KANK1: variants seen among roughly 807,000 people sequenced by gnomAD.
KANK1 encodes KN motif and ankyrin repeat domain-containing protein 1.
A neutral mutation model predicts 106.2 loss-of-function variants in KANK1; 109 were observed. The ratio of observed to expected loss-of-function variants is 1.03; its 90% CI spans 0.88 to 1.20. The LOEUF (loss-of-function observed/expected upper bound fraction) is 1.20. Ranked by LOEUF, KANK1 falls within the 50% of genes most tolerant of loss-of-function variation. The pLI, the probability that KANK1 is intolerant of heterozygous loss-of-function variation, is 0.00. For missense variants in KANK1, 2,399 were observed against 1,710.7 expected (o/e 1.40, Z -7.10); for synonymous variants, 873 against 652.2 (o/e 1.34, Z -5.16).
intron 1 of KANK1, among the ~76,000 whole-genome samples, chr9:584,068 C>T (rs147166415): frequency 8.8e-4 from 134 of 152,162 alleles, no homozygotes; most frequent in African/African-American, 2.9e-3. Flanking sequence ...CAGGCAAATA[C>T]TTGATGGTAT....
rs773983048 is a variant in KANK1 at position 712,413 on chromosome 9, C to G, written c.1647C>G (p.Ile549Met). 6.2e-7 allele frequency: 1 copy of G among 1,614,172 alleles called. No homozygotes were observed. Among genetic ancestry groups the G allele is most frequent in the East Asian group, 2.2e-5 (1 of 44,870 alleles). ...GTSVETNSVG[I>M]SCQPECKNKV... ...CCGTGGAAACAAACAGTGTAGGCAT[C>G]TCCTGCCAGCCTGAATGTAAGAATA... Residue 549 changes from isoleucine to methionine, a missense_variant, in exon 3 of 12, where the codon ATC (isoleucine) becomes ATG (methionine). Physicochemically the swap from Ile to Met is conservative, Grantham distance 10. Coordinates refer to ENST00000382297, the MANE Select transcript of KANK1 (RefSeq NM_015158.5).
chr9:531,852 G>T (rs2060071606), intron 1 of KANK1, among the ~76,000 whole-genome samples: 1 of 152,230 alleles, frequency 6.6e-6, no homozygotes, highest in African/African-American at 2.4e-5. Flanking sequence ...TTCTGTGTGT[G>T]TGTGTTGTGT....
upstream of KANK1, among the ~76,000 whole-genome samples, chr9:502,913 C>G (rs2058585802): frequency 6.6e-6 from 1 of 152,008 alleles, no homozygotes; most frequent in Non-Finnish European, 1.5e-5. Context: ...CTGCTCACTG[C>G]CGCCTCGACC....
chr9:672,525 A>G (rs1815402759), intron 1 of KANK1, among the ~76,000 whole-genome samples: 1 of 148,826 alleles, frequency 6.7e-6, no homozygotes, highest in South Asian at 2.2e-4. Context: ...GTCTATTAAC[A>G]TTAGCTGCCA....
intron 1 of KANK1, among the ~76,000 whole-genome samples, chr9:535,299 G>C (rs563689195): frequency 7.9e-5 from 12 of 152,200 alleles, no homozygotes; most frequent in African/African-American, 2.2e-4. Flanking sequence ...CCCTACATTT[G>C]CATCTGTTTC....
At chr9:622,782 A>G (rs1268574073) in intron 1 of KANK1, among the ~76,000 whole-genome samples, 1 of 152,038 alleles carries the variant, frequency 6.6e-6, no homozygotes, top group Non-Finnish European at 1.5e-5. Flanking sequence ...AGCACCTGTA[A>G]TCCCAGCTAA....
chr9:674,536 T>A (rs1815986517), intron 1 of KANK1, among the ~76,000 whole-genome samples: 1 of 152,172 alleles, frequency 6.6e-6, no homozygotes, highest in Non-Finnish European at 1.5e-5. Context: ...CCCTGTGTGA[T>A]CAAAGCAATC....
intron 1 of KANK1, among the ~76,000 whole-genome samples, chr9:587,922 TG>T (rs1002208671): frequency 2.6e-5 from 4 of 152,086 alleles, no homozygotes; most frequent in African/African-American, 9.7e-5. Flanking sequence ...AAAAATTAGC[TG>T]GGCGTGGTGG....
intron 1 of KANK1, among the ~76,000 whole-genome samples, chr9:514,127 TCTCCCTCCCTCC>T (rs146828788): frequency 5.9e-5 from 5 of 84,912 alleles, no homozygotes; most frequent in Non-Finnish European, 1.1e-4. Flanking sequence ...TCCCTCTCTC[TCTCCCTCCCTCC>T]CTCCCTTCCT....
intron 1 of KANK1, among the ~76,000 whole-genome samples, chr9:587,218 C>T (rs994355850): frequency 2.0e-5 from 3 of 152,070 alleles, no homozygotes; most frequent in African/African-American, 7.2e-5. Context: ...TTTAGAGGTA[C>T]GAATCTGTTC....
chr9:675,347 T>G (rs752841481), intron 1 of KANK1, among the ~76,000 whole-genome samples: 1 of 152,192 alleles, frequency 6.6e-6, no homozygotes, highest in Non-Finnish European at 1.5e-5. Flanking sequence ...AATTCTCAAC[T>G]TAGAATTTAT....
At chr9:503,639 C>T (rs2058609349), upstream of KANK1, among the ~76,000 whole-genome samples, 1 of 152,126 alleles carries the variant, frequency 6.6e-6, no homozygotes, top group African/African-American at 2.4e-5. Context: ...GAGGGGAGGA[C>T]TCTCTCCCTT....
intron 2 of KANK1, among the ~76,000 whole-genome samples, chr9:709,871 C>T (rs752106352): frequency 6.6e-6 from 1 of 152,144 alleles, no homozygotes; most frequent in Non-Finnish European, 1.5e-5. Flanking sequence ...CCCGCCTTGG[C>T]CTCCCAAAGT....
intron 3 of KANK1, among the ~76,000 whole-genome samples, chr9:483,020 C>G (rs1309783821): frequency 3.3e-5 from 5 of 152,144 alleles, no homozygotes; most frequent in Admixed American, 1.3e-4. Flanking sequence ...TCAACTGTCG[C>G]AGCATCACAG....
At chr9:704,937 G>T (rs1050255317) in intron 2 of KANK1, among the ~76,000 whole-genome samples, 5 of 143,376 alleles carry the variant, frequency 3.5e-5, no homozygotes, top group Non-Finnish European at 6.0e-5. Context: ...AGACTATAGT[G>T]AGCCATGATC....
intron 3 of KANK1, among the ~76,000 whole-genome samples, chr9:496,613 A>G (rs2058462685): frequency 6.6e-6 from 1 of 152,212 alleles, no homozygotes; most frequent in South Asian, 2.1e-4. Context: ...AAATAAAATT[A>G]TATTCTTGTT....
intron 1 of KANK1, among the ~76,000 whole-genome samples, chr9:644,223 G>C (rs958299222): frequency 6.6e-6 from 1 of 151,052 alleles, no homozygotes; most frequent in South Asian, 2.1e-4. Context: ...TCTAGAGACC[G>C]AACTATAGTG....
Position 711,366 on chromosome 9 carries a change from G to C in KANK1, c.600G>C (p.Val200=). Residue 200 remains valine, a synonymous_variant, in exon 3 of 12, where the codon GTG becomes GTC. Coordinates refer to ENST00000382297, the MANE Select transcript of KANK1 (RefSeq NM_015158.5). ...MGTTSSLPSF[V]GSGNHNPAKH... ...CCACAAGCTCCCTCCCTTCTTTTGTGGGTTCTGGAAACCACAATCCTGCCA... is the reference window on the plus strand; with the variant it reads ...CCACAAGCTCCCTCCCTTCTTTTGTCGGTTCTGGAAACCACAATCCTGCCA... 6.2e-7 allele frequency: 1 copy of C among 1,614,066 alleles called. No individual in the cohort carries two copies.
At chr9:626,529 T>A (rs966441022) in intron 1 of KANK1, among the ~76,000 whole-genome samples, 2 of 152,236 alleles carry the variant, frequency 1.3e-5, no homozygotes, top group African/African-American at 4.8e-5. Flanking sequence ...GTTTTCTGTT[T>A]TGTTTTTGTA....
Sources: allele counts gnomAD v4.1 joint callset (sites outside exome capture counted in the v4.1 genomes callset), GRCh38; gene constraint gnomAD v4.1.1; transcripts MANE v1.5; gene names NCBI Gene and HGNC (gene_info 2026-07-23, HGNC 2026-07-21).